Variants in PPP1R12A observed in about 807,000 individuals in gnomAD.
PPP1R12A encodes myosin binding subunit.
Under a neutral mutation model 139.6 loss-of-function variants are expected in PPP1R12A, and 19 were observed. That is an observed-to-expected ratio of 0.14 (90% CI 0.09 to 0.20). The LOEUF (loss-of-function observed/expected upper bound fraction) is 0.20. Ranked by LOEUF, PPP1R12A falls within the 10% of genes least tolerant of loss-of-function variation. The probability of loss-of-function intolerance (pLI) is 1.00; values close to 1 mark genes in which losing one functional copy is unlikely to be tolerated. For synonymous variants in PPP1R12A, 427 were observed against 420.6 expected (o/e 1.02, Z -0.19); for missense variants, 925 against 1,211.5 (o/e 0.76, Z 3.51).
intron 2 of PPP1R12A, among the ~76,000 whole-genome samples, chr12:79,857,431 G>T (rs537421259): frequency 2.0e-5 from 3 of 149,046 alleles, no homozygotes; most frequent in South Asian, 4.3e-4. Flanking sequence ...GGGGACTGTT[G>T]TGGGGTGGGG....
At position 79,774,143 on chromosome 12, in the gene PPP1R12A, C is replaced by T. The variant is rs1213850751; in HGVS notation, c.*1786G>A. The T allele has an allele frequency of 6.6e-6, 1 of 152,068 alleles. No homozygotes were observed. Among genetic ancestry groups the T allele is most frequent in the Non-Finnish European group, 1.5e-5 (1 of 67,982 alleles). 9.4% of individuals were successfully genotyped at this position (152,068 alleles called of 1,614,324 possible). A position where few individuals can be genotyped will look rare whatever the true frequency, so the allele number is the denominator to read the frequency against. On this transcript the variant is annotated 3_prime_UTR_variant, in exon 25 of 25. Coordinates refer to ENST00000450142, the MANE Select transcript of PPP1R12A (RefSeq NM_002480.3). ...ATCAGTTATCTGTATATTTTACCTC[C>T]ACATAAGACCATGGAAATTCTCAAT... is the stretch of plus-strand genomic sequence containing the variant.
intron 2 of PPP1R12A, among the ~76,000 whole-genome samples, chr12:79,845,687 T>G (rs2137213025): frequency 6.6e-6 from 1 of 151,976 alleles, no homozygotes; most frequent in East Asian, 1.9e-4. Context: ...ATACAAAAAA[T>G]TAGCCGGGCG....
chr12:79,798,213 A>G (rs1872703349), intron 15 of PPP1R12A, among the ~76,000 whole-genome samples: 1 of 152,160 alleles, frequency 6.6e-6, no homozygotes, highest in Non-Finnish European at 1.5e-5. Flanking sequence ...ACTCAAAAAG[A>G]CACAAAGGCA....
intron 1 of PPP1R12A, among the ~76,000 whole-genome samples, chr12:79,915,441 G>A (rs1255103562): frequency 2.0e-5 from 3 of 152,012 alleles, no homozygotes; most frequent in African/African-American, 7.2e-5. Flanking sequence ...TTACAATGCA[G>A]AATAGATTTT....
rs575724359 is a variant in PPP1R12A at position 79,786,255 on chromosome 12, C to A, written c.2907+119G>T. 332 of 606,398 alleles carry A rather than the reference C, an allele frequency of 5.5e-4. 1 individual carries two copies. The highest frequency in any genetic ancestry group is 7.9e-4 in the Non-Finnish European group (283 of 356,050). The allele number at this position is 606,398 out of a possible 1,614,324, so 37.6% of individuals were successfully genotyped here. On this transcript the variant is annotated intron_variant, in intron 22 of 24. Transcript: ENST00000450142. ...GTAAATCATCCATAAACAGCATTAT[C>A]TTCTATTACCAATTATCAAACTTCT...
At chr12:79,788,891 G>A (rs1871446675) in intron 20 of PPP1R12A, 108 bp from the exon 21 acceptor site, 1 of 905,904 alleles carries the variant, frequency 1.1e-6, no homozygotes, top group Non-Finnish European at 1.6e-6. Context: ...GTAGGTCACA[G>A]TCTCCCTCTG....
intron 18 of PPP1R12A, among the ~76,000 whole-genome samples, chr12:79,794,381 C>G (rs1222126129): frequency 6.6e-6 from 1 of 151,964 alleles, no homozygotes; most frequent in African/African-American, 2.4e-5. Context: ...TAAAACTCTT[C>G]AACTCCATTT....
intron 3 of PPP1R12A, 76 bp downstream of exon 3, chr12:79,845,226 T>G (rs764652247): frequency 8.1e-5 from 93 of 1,145,114 alleles, no homozygotes; most frequent in Middle Eastern, 7.8e-4. Flanking sequence ...CCCTTCAATG[T>G]CAACAAATAT....
chr12:79,841,205 A>G (rs999174768), intron 3 of PPP1R12A, among the ~76,000 whole-genome samples: 1 of 152,146 alleles, frequency 6.6e-6, no homozygotes. Context: ...ATGGAATTAT[A>G]GGCAAGAGCC....
rs977737577 is a variant in PPP1R12A at position 79,835,781 on chromosome 12, T to G, written c.488-3290A>C. On this transcript the variant is annotated intron_variant, in intron 3 of 24. Coordinates refer to ENST00000450142, the MANE Select transcript of PPP1R12A (RefSeq NM_002480.3). ...CATTTTTAACTTCATCTATAGTCTT[T>G]CTCCCTTACCATCATCTAGTGTTCT... 2.6e-5 allele frequency among the ~76,000 whole-genome samples: 4 copies of G among 152,200 alleles called. No individual in the cohort carries two copies. In the South Asian group the frequency reaches 8.3e-4, roughly 31 times the overall value.
chr12:79,817,634 C>T, intron 8 of PPP1R12A, 116 bp from the exon 9 acceptor site: 1 of 996,780 alleles, frequency 1.0e-6, no homozygotes, highest in Non-Finnish European at 1.4e-6. Flanking sequence ...AAAAGTCTTT[C>T]CCCACTGTGA....
intron 14 of PPP1R12A, among the ~76,000 whole-genome samples, chr12:79,805,043 A>T (rs1434878875): frequency 6.6e-6 from 1 of 152,356 alleles, no homozygotes; most frequent in African/African-American, 2.4e-5. Context: ...AAAAATCTGA[A>T]TAAGTGCTTT....
At chr12:79,828,097 T>G (rs536870111) in intron 5 of PPP1R12A, 3 of 308,514 alleles carry the variant, frequency 9.7e-6, no homozygotes, top group South Asian at 2.4e-4. Context: ...AGAGCAATAC[T>G]TCTTTCTTTG....
chr12:79,909,347 G>A (rs1886373807), intron 1 of PPP1R12A, among the ~76,000 whole-genome samples: 1 of 152,128 alleles, frequency 6.6e-6, no homozygotes, highest in Non-Finnish European at 1.5e-5. Context: ...TCCCTCTGAA[G>A]TCTCAAAGAT....
intron 3 of PPP1R12A, among the ~76,000 whole-genome samples, chr12:79,836,768 GACTA>G (rs377236676): frequency 2.2e-4 from 33 of 152,218 alleles, no homozygotes; most frequent in African/African-American, 7.7e-4. Context: ...TCAGTGCTTT[GACTA>G]ACTAGCCAGT....
intron 2 of PPP1R12A, chr12:79,849,005 A>T (rs2137229966): frequency 6.6e-6 from 1 of 152,040 alleles, no homozygotes; most frequent in East Asian, 1.9e-4. Flanking sequence ...AGTTATATAT[A>T]TATAAAACTT....
intron 1 of PPP1R12A, among the ~76,000 whole-genome samples, chr12:79,892,924 T>C (rs950263232): frequency 2.4e-4 from 36 of 152,110 alleles, no homozygotes; most frequent in Non-Finnish European, 3.2e-4. Flanking sequence ...GCCAACATGG[T>C]GAAACCCCGT....
At position 79,828,484 on chromosome 12, in the gene PPP1R12A, T is replaced by G. The variant is rs770484747; in HGVS notation, c.648-20A>C. 2.0e-6 allele frequency: 3 copies of G among 1,513,168 alleles called. No homozygotes were observed. The highest frequency in any genetic ancestry group is 2.5e-5 in the South Asian group (2 of 79,416). The allele number at this position is 1,513,168 out of a possible 1,614,324, so 93.7% of individuals were successfully genotyped here. ...AAAAGTCTAAAGAAATTACAGTGAA[T>G]TAGACAATCATTAAAATCTAGAAAT... On this transcript the variant is annotated intron_variant, in intron 4 of 24. Coordinates refer to ENST00000450142, the MANE Select transcript of PPP1R12A (RefSeq NM_002480.3).
intron 1 of PPP1R12A, among the ~76,000 whole-genome samples, chr12:79,874,197 C>T (rs138053104): frequency 0.027 from 4,082 of 151,798 alleles, 70 homozygotes; most frequent in Non-Finnish European, 0.044. Context: ...TTGCCTGAAC[C>T]CAGGAGGCAG....
Sources: gnomAD v4.1 joint callset for allele counts (sites outside exome capture counted in the v4.1 genomes callset) on GRCh38, gnomAD v4.1.1 for gene constraint, MANE v1.5 for transcripts, NCBI Gene and HGNC (gene_info 2026-07-23, HGNC 2026-07-21) for gene names.